The following UPP2 variants were observed in gnomAD, a reference collection of about 807,000 sequenced individuals.
UPP2 encodes the protein UPase 2.
Under a neutral mutation model 26.7 loss-of-function variants are expected in UPP2, and 23 were observed. That is an observed-to-expected ratio of 0.86 (90% CI 0.62 to 1.22). The LOEUF is 1.22. UPP2 is among the 50% of genes most tolerant of loss of function. UPP2 has a pLI of 0.00. For missense variants in UPP2, 387 were observed against 396.7 expected, an observed-to-expected ratio of 0.98 and a Z score of 0.21; for synonymous variants, 127 against 141.3, an observed-to-expected ratio of 0.90 and a Z score of 0.72.
At chr2:158,104,649 T>C (rs1481214655) in intron 1 of UPP2, among the ~76,000 whole-genome samples, 1 of 152,076 alleles carries the variant, frequency 6.6e-6, no homozygotes, top group Non-Finnish European at 1.5e-5. Context: ...AGGCTAGGCA[T>C]GATGGCTCAC....
intron 3 of UPP2, among the ~76,000 whole-genome samples, chr2:158,052,310 G>A (rs944397172): frequency 3.9e-5 from 6 of 152,212 alleles, no homozygotes; most frequent in African/African-American, 1.4e-4. Flanking sequence ...AACAAAAGAT[G>A]TACCTGACTT....
At chr2:158,118,027 C>A (rs1683479309) in intron 4 of UPP2, 89 bp downstream of exon 4, 4 of 1,130,500 alleles carry the variant, frequency 3.5e-6, no homozygotes, top group Non-Finnish European at 3.9e-6. Context: ...CAGAGCCCAG[C>A]AAAAGCCCAG....
At chr2:158,085,221 A>G (rs1437050793) in intron 3 of UPP2, among the ~76,000 whole-genome samples, 1 of 151,792 alleles carries the variant, frequency 6.6e-6, no homozygotes, top group African/African-American at 2.4e-5. Context: ...TTGGTTATGT[A>G]TATTCCTAAG....
At chr2:158,071,926 C>G (rs1202024079) in intron 3 of UPP2, among the ~76,000 whole-genome samples, 1 of 152,150 alleles carries the variant, frequency 6.6e-6, no homozygotes, top group Non-Finnish European at 1.5e-5. Flanking sequence ...TGAAAGACTC[C>G]TTCTGCTTGA....
intron 3 of UPP2, among the ~76,000 whole-genome samples, chr2:158,067,138 T>C (rs1391155040): frequency 6.6e-6 from 1 of 152,156 alleles, no homozygotes; most frequent in Non-Finnish European, 1.5e-5. Context: ...ATCTAATTTT[T>C]ATATGCCTTT....
At chr2:158,074,296 A>T (rs2105189590) in intron 3 of UPP2, among the ~76,000 whole-genome samples, 1 of 152,344 alleles carries the variant, frequency 6.6e-6, no homozygotes, top group Non-Finnish European at 1.5e-5. Context: ...TGTAATTGTG[A>T]TGTGTTTACT....
upstream of UPP2, among the ~76,000 whole-genome samples, chr2:158,099,768 T>C (rs1028694364): frequency 2.0e-5 from 3 of 152,108 alleles, no homozygotes; most frequent in Admixed American, 6.5e-5. Flanking sequence ...AAAACTGTAA[T>C]GGAATTGAGA....
intron 4 of UPP2, 138 bp from the exon 5 acceptor site, chr2:158,121,271 G>T: frequency 1.3e-6 from 1 of 780,832 alleles, no homozygotes; most frequent in Non-Finnish European, 2.1e-6. Context: ...ATTGCATTTG[G>T]AAAAGAAAAT....
chr2:158,110,320 A>G (rs1373617262), intron 2 of UPP2, among the ~76,000 whole-genome samples: 2 of 152,114 alleles, frequency 1.3e-5, no homozygotes, highest in Admixed American at 6.6e-5. Context: ...CCTGTCCCTT[A>G]CAAAGGACAT....
intron 6 of UPP2, among the ~76,000 whole-genome samples, chr2:158,125,152 G>A (rs1683665831): frequency 6.6e-6 from 1 of 152,176 alleles, no homozygotes; most frequent in African/African-American, 2.4e-5. Flanking sequence ...CTTCAAAGAA[G>A]TAAAGAATTA....
intron 3 of UPP2, among the ~76,000 whole-genome samples, chr2:158,036,365 G>A (rs773399110): frequency 6.6e-6 from 1 of 152,066 alleles, no homozygotes; most frequent in African/African-American, 2.4e-5. Flanking sequence ...CTGTACCCCC[G>A]AGCGCTTGGT....
At chr2:158,002,507 C>T (rs1206145928) in intron 2 of UPP2, among the ~76,000 whole-genome samples, 4 of 152,248 alleles carry the variant, frequency 2.6e-5, no homozygotes. Context: ...AAGAAAAAGG[C>T]AGCTATCTGG....
At chr2:157,997,138 C>T (rs536438614) in intron 2 of UPP2, among the ~76,000 whole-genome samples, 19 of 152,294 alleles carry the variant, frequency 1.2e-4, no homozygotes, top group African/African-American at 4.6e-4. Context: ...CATCAGGGAA[C>T]TGCTTGTCTG....
intron 3 of UPP2, among the ~76,000 whole-genome samples, chr2:158,059,360 A>G (rs1682313719): frequency 6.6e-6 from 1 of 152,222 alleles, no homozygotes; most frequent in South Asian, 2.1e-4. Context: ...AGCCTTTCAA[A>G]TTATATGGCC....
At chr2:158,016,095 A>G (rs77276210) in intron 3 of UPP2, among the ~76,000 whole-genome samples, 5,504 of 151,806 alleles carry the variant, frequency 0.036, 175 homozygotes, top group East Asian at 0.2. Flanking sequence ...CAAGGGCTCC[A>G]GTTTCTCCAC....
chr2:158,006,922 G>T (rs952103222), intron 2 of UPP2, among the ~76,000 whole-genome samples: 3 of 152,202 alleles, frequency 2.0e-5, no homozygotes, highest in Admixed American at 2.0e-4. Flanking sequence ...ATTTCAGTGT[G>T]CAAGATTTTG....
At position 158,134,799 on chromosome 2, in the gene UPP2, A is replaced by G. The variant is rs775758432; in HGVS notation, c.863A>G (p.Asn288Ser). The G allele has an allele frequency of 5.0e-6, 8 of 1,613,694 alleles. No homozygotes were observed. Among genetic ancestry groups the G allele is most frequent in the Non-Finnish European group, 6.8e-6 (8 of 1,179,842 alleles). ...LLDRLDCDQINLPHDVLVEYQ... is the reference protein window; with the variant it reads ...LLDRLDCDQISLPHDVLVEYQ... ...GACAGACTCGACTGTGATCAGATCA[A>G]CTTGCCTCATGATGTCCTGGTGGAG... Residue 288 changes from asparagine (N) to serine (S), a missense_variant, in exon 7 of 7, where the codon AAC becomes AGC. Coordinates refer to ENST00000005756, the MANE Select transcript of UPP2 (RefSeq NM_173355.4).
intron 3 of UPP2, among the ~76,000 whole-genome samples, chr2:158,058,866 T>C (rs983639424): frequency 6.6e-6 from 1 of 152,058 alleles, no homozygotes; most frequent in Non-Finnish European, 1.5e-5. Context: ...TTTGGGAAGC[T>C]GAGAGGGAGA....
intron 2 of UPP2, among the ~76,000 whole-genome samples, chr2:157,999,755 C>A (rs956086343): frequency 4.6e-5 from 7 of 151,888 alleles, no homozygotes; most frequent in Non-Finnish European, 7.4e-5. Flanking sequence ...TAGTTTTTAA[C>A]AAAAAAGTCT....
Sources: allele counts gnomAD v4.1 joint callset (sites outside exome capture counted in the v4.1 genomes callset), GRCh38; gene constraint gnomAD v4.1.1; transcripts MANE v1.5; gene names NCBI Gene and HGNC (gene_info 2026-07-23, HGNC 2026-07-21).